ADARB1: variants seen among roughly 807,000 people sequenced by gnomAD.
ADARB1 encodes the protein adenosine deaminase RNA specific B1.
Under a neutral mutation model 52.4 loss-of-function variants are expected in ADARB1, and 10 were observed. The ratio of observed to expected loss-of-function variants is 0.19; its 90% confidence interval spans 0.12 to 0.32. ADARB1 has a LOEUF of 0.32. Ranked by LOEUF, ADARB1 falls within the 10% of genes least tolerant of loss-of-function variation. The pLI, the probability that ADARB1 is intolerant of heterozygous loss-of-function variation, is 1.00. For synonymous variants in ADARB1, 349 were observed against 371.1 expected, an observed-to-expected ratio of 0.94 and a Z score of 0.68; for missense variants, 643 against 922.3, an observed-to-expected ratio of 0.70 and a Z score of 3.92.
chr21:45,125,903 C>T (rs1028451406), intron 1 of ADARB1, among the ~76,000 whole-genome samples: 11 of 152,206 alleles, frequency 7.2e-5, no homozygotes, highest in African/African-American at 2.7e-4. Flanking sequence ...CTGACTTGTT[C>T]AGGTAGGCAC....
chr21:45,168,086 A>G (rs2091328507), intron 2 of ADARB1, among the ~76,000 whole-genome samples: 1 of 151,974 alleles, frequency 6.6e-6, no homozygotes, highest in South Asian at 2.1e-4. Flanking sequence ...TCTCAGCTGC[A>G]TTTCCCTAGT....
chr21:45,156,227 CCATCATCACCCAT>C (rs2090605121), intron 2 of ADARB1, among the ~76,000 whole-genome samples: 3 of 150,610 alleles, frequency 2.0e-5, no homozygotes, highest in Non-Finnish European at 3.0e-5. Flanking sequence ...ACCCACCCAC[CCATCATCACCCAT>C]CACCCATCAT....
intron 1 of ADARB1, among the ~76,000 whole-genome samples, chr21:45,090,292 C>T (rs188375734): frequency 1.6e-3 from 250 of 152,196 alleles, no homozygotes; most frequent in African/African-American, 5.6e-3. Flanking sequence ...ATTAAAATTG[C>T]TATTTATTTT....
intron 2 of ADARB1, chr21:45,145,171 G>A (rs2089945520): frequency 6.6e-6 from 1 of 152,224 alleles, no homozygotes; most frequent in African/African-American, 2.4e-5. Flanking sequence ...TAGAATTGTA[G>A]CCTGTGGAGG....
At position 45,226,478 on chromosome 21, in the gene ADARB1, A is replaced by C. The variant is rs2093060720; in HGVS notation, c.*4281A>C. On this transcript the variant is annotated 3_prime_UTR_variant, in exon 11 of 11. Transcript: ENST00000348831. The stretch of plus-strand genomic sequence containing the variant: ...CTGCATGAGCTTCCTCTCGCACAAG[A>C]CCAGCTGGAACTGAGCATGAGACGC... 2.0e-5 allele frequency: 3 copies of C among 152,660 alleles called. No individual in the cohort carries two copies. Among genetic ancestry groups the C allele is most frequent in the Non-Finnish European group, 4.4e-5 (3 of 68,058 alleles). The allele number at this position is 152,660 out of a possible 1,614,324, so 9.5% of individuals were successfully genotyped here. A position where few individuals can be genotyped will look rare whatever the true frequency, so the allele number is the denominator to read the frequency against.
At chr21:45,144,471 A>C (rs1487232975) in intron 2 of ADARB1, among the ~76,000 whole-genome samples, 1 of 152,242 alleles carries the variant, frequency 6.6e-6, no homozygotes, top group Admixed American at 6.5e-5. Flanking sequence ...AAGTTGGGAA[A>C]AAAAGAGCTT....
At chr21:45,124,119 A>G (rs1005337043) in intron 1 of ADARB1, among the ~76,000 whole-genome samples, 4 of 152,218 alleles carry the variant, frequency 2.6e-5, no homozygotes, top group Admixed American at 6.5e-5. Context: ...TCATAAATTC[A>G]TCTTAATCAT....
At chr21:45,130,321 C>A (rs1234544443) in intron 2 of ADARB1, among the ~76,000 whole-genome samples, 2 of 152,022 alleles carry the variant, frequency 1.3e-5, no homozygotes, top group Non-Finnish European at 2.9e-5. Flanking sequence ...ATCCTTTGCA[C>A]CAATAAATTG....
At chr21:45,180,650 T>C (rs953927068) in intron 5 of ADARB1, among the ~76,000 whole-genome samples, 3 of 152,232 alleles carry the variant, frequency 2.0e-5, no homozygotes, top group African/African-American at 7.2e-5. Context: ...TAAGTTTGTT[T>C]TATCTGGAGA....
In ADARB1 at chr21:45,128,279, T is replaced by G. The variant is rs994072150; in HGVS notation, c.-219-123T>G. 1 of 152,212 alleles carries G rather than the reference T, an allele frequency of 6.6e-6. No individual in the cohort carries two copies. The highest frequency in any genetic ancestry group is 1.5e-5 in the Non-Finnish European group (1 of 68,036). The allele number at this position is 152,212 out of a possible 1,614,324, so 9.4% of individuals were successfully genotyped here. On this transcript the variant is annotated intron_variant, in intron 1 of 10. Transcript: ENST00000348831. The surrounding 1 kb of genome is among the most constrained non-coding windows in gnomAD (Gnocchi z 4.6). ...AGAGTACATTTAAAATAACTTAAAT[T>G]TGTATTTAGAAGACTTTTCATGGAG... is the stretch of plus-strand genomic sequence containing the variant.
chr21:45,159,092 A>T (rs1375542917), intron 2 of ADARB1, among the ~76,000 whole-genome samples: 5 of 152,234 alleles, frequency 3.3e-5, no homozygotes, highest in African/African-American at 1.2e-4. Flanking sequence ...GATCATCTGC[A>T]TTAGTCTGTT....
chr21:45,077,779 C>T (rs1038731132), intron 1 of ADARB1, among the ~76,000 whole-genome samples: 2 of 151,900 alleles, frequency 1.3e-5, no homozygotes, highest in East Asian at 3.9e-4. Flanking sequence ...TAAAAAAAAA[C>T]CCATATTATT....
rs1016890810 is a variant in ADARB1, at chr21:45,197,845, A to G, written c.1566-6710A>G. ...GGAATTACCATACAGTCCCATTTGT[A>G]TATATCTCGGGAGAATGCAGACTAA... On this transcript the variant is annotated intron_variant, in intron 8 of 10. Transcript: ENST00000348831. Among the ~76,000 whole-genome samples, 11 of 152,350 alleles carry G rather than the reference A, an allele frequency of 7.2e-5. No individual in the cohort carries two copies. In the South Asian group the frequency reaches 1.2e-3, roughly 17 times the overall value.
chr21:45,147,545 G>A (rs1467519625), intron 2 of ADARB1, among the ~76,000 whole-genome samples: 2 of 152,174 alleles, frequency 1.3e-5, no homozygotes, highest in Non-Finnish European at 2.9e-5. Flanking sequence ...ACCTTAGACT[G>A]GAGAGAGAAG....
chr21:45,094,154 A>G (rs2086664328), intron 1 of ADARB1, among the ~76,000 whole-genome samples: 1 of 152,312 alleles, frequency 6.6e-6, no homozygotes, highest in East Asian at 1.9e-4. Context: ...TGAGAAATAG[A>G]ATATATCAAA....
At chr21:45,179,172 C>T (rs1252598861) in intron 4 of ADARB1, among the ~76,000 whole-genome samples, 1 of 152,182 alleles carries the variant, frequency 6.6e-6, no homozygotes, top group Non-Finnish European at 1.5e-5. Flanking sequence ...CAGTTCCTCG[C>T]GTCCGCTCAC....
Position 45,176,674 on chromosome 21 carries a change from T to C in ADARB1, c.963+10T>C. The C allele has an allele frequency of 6.3e-7, 1 of 1,585,262 alleles. No individual in the cohort carries two copies. Among genetic ancestry groups the C allele is most frequent in the South Asian group, 1.2e-5 (1 of 86,680 alleles). On this transcript the variant is annotated intron_variant, in intron 4 of 10. Transcript: ENST00000348831. This position sits in a 1 kb window ranked among gnomAD's most constrained non-coding sequence, Gnocchi z 5.8. ...GCTGCATTTACCGCAGGTGAGGAAC[T>C]ATGCTGCTGCTTTAAAACACGGGGT...
chr21:45,082,492 CT>C (rs1377350075), intron 1 of ADARB1, among the ~76,000 whole-genome samples: 2 of 152,182 alleles, frequency 1.3e-5, no homozygotes, highest in Non-Finnish European at 1.5e-5. Flanking sequence ...TGCATTTAAA[CT>C]TTTATTAGGT....
chr21:45,134,040 A>C (rs1450527558), intron 2 of ADARB1, among the ~76,000 whole-genome samples: 2 of 82,536 alleles, frequency 2.4e-5, no homozygotes, highest in Non-Finnish European at 2.3e-5. Context: ...TGTGCGCCCG[A>C]TGGGTGTGTG....
Sources: gnomAD v4.1 joint callset for allele counts (sites outside exome capture counted in the v4.1 genomes callset) on GRCh38, gnomAD v4.1.1 for gene constraint, Gnocchi (gnomAD v3.1) non-coding constraint, MANE v1.5 for transcripts, NCBI Gene and HGNC (gene_info 2026-07-23, HGNC 2026-07-21) for gene names.